Variants in STARD13 observed in about 807,000 individuals in gnomAD.
STARD13 encodes the protein StAR related lipid transfer domain containing 13, also known as stAR-related lipid transfer protein 13.
STARD13 carries 62 observed loss-of-function variants against 106.4 expected under a neutral mutation model. That is an observed-to-expected ratio of 0.58 (90% CI 0.48 to 0.72). STARD13 has a LOEUF of 0.72. STARD13 is among the 30% of genes least tolerant of loss of function. The probability of loss-of-function intolerance (pLI) is 0.00; values close to 1 mark genes in which losing one functional copy is unlikely to be tolerated. For synonymous variants in STARD13, 565 were observed against 553.0 expected (o/e 1.02, Z -0.31); for missense variants, 1,387 against 1,424.0 (o/e 0.97, Z 0.42).
chr13:33,508,583 T>C, the STARD13 span, among the ~76,000 whole-genome samples: 8 of 152,316 alleles, frequency 5.3e-5, no homozygotes, highest in Admixed American at 5.2e-4. Flanking sequence ...CAGTATTTGA[T>C]AGCTGGAAGT....
the STARD13 span, among the ~76,000 whole-genome samples, chr13:33,460,572 C>A: frequency 6.6e-6 from 1 of 151,022 alleles, no homozygotes; most frequent in Non-Finnish European, 1.5e-5. Context: ...GTACATATTT[C>A]TTAAATTTTA....
the STARD13 span, among the ~76,000 whole-genome samples, chr13:33,463,116 C>T: frequency 3.9e-5 from 6 of 152,198 alleles, no homozygotes; most frequent in Middle Eastern, 3.4e-3. Flanking sequence ...GGCAAGCCTC[C>T]GAATTGGTGC....
the STARD13 span, among the ~76,000 whole-genome samples, chr13:33,458,891 G>A: frequency 2.0e-5 from 3 of 149,416 alleles, no homozygotes; most frequent in Non-Finnish European, 4.4e-5. Context: ...TGCAATCTGG[G>A]CTTACTGCAA....
the STARD13 span, among the ~76,000 whole-genome samples, chr13:33,458,424 A>G: frequency 6.6e-6 from 1 of 152,072 alleles, no homozygotes; most frequent in Non-Finnish European, 1.5e-5. Context: ...ATAAAAGCAT[A>G]ACAAACTCAA....
At chr13:33,107,287 T>C (rs1432636433) in intron 12 of STARD13, among the ~76,000 whole-genome samples, 2 of 152,128 alleles carry the variant, frequency 1.3e-5, no homozygotes, top group Non-Finnish European at 2.9e-5. Context: ...TCAGCAGACA[T>C]CAATTAAGCA....
the STARD13 span, among the ~76,000 whole-genome samples, chr13:33,455,366 A>T: frequency 6.6e-6 from 1 of 152,230 alleles, no homozygotes; most frequent in African/African-American, 2.4e-5. Flanking sequence ...TAGTTCTCTA[A>T]CACAAAAGGA....
chr13:33,618,016 A>G, the STARD13 span, among the ~76,000 whole-genome samples: 2 of 152,364 alleles, frequency 1.3e-5, no homozygotes, highest in Admixed American at 6.5e-5. Context: ...TGCAAAAAGC[A>G]AAGATGCAAC....
At chr13:33,515,637 T>C in the STARD13 span, among the ~76,000 whole-genome samples, 2 of 152,186 alleles carry the variant, frequency 1.3e-5, no homozygotes, top group African/African-American at 4.8e-5. Flanking sequence ...GTGATGGTTC[T>C]ACTGGGAAAT....
intron 8 of STARD13, chr13:33,113,142 A>G (rs1874864088): frequency 1.9e-6 from 1 of 539,200 alleles, no homozygotes; most frequent in African/African-American, 1.9e-5. Flanking sequence ...CAACCCTTGC[A>G]ATTGAACTTT....
the STARD13 span, among the ~76,000 whole-genome samples, chr13:33,626,935 A>T: frequency 6.6e-6 from 1 of 152,238 alleles, no homozygotes; most frequent in Non-Finnish European, 1.5e-5. Context: ...ATAAAATAAA[A>T]ATTCTGGCCA....
At chr13:33,239,138 T>C (rs2138239797) in intron 1 of STARD13, among the ~76,000 whole-genome samples, 1 of 152,340 alleles carries the variant, frequency 6.6e-6, no homozygotes, top group East Asian at 1.9e-4. Flanking sequence ...TTTGTCTTTT[T>C]GTGATTGGCT....
rs184305183 is a variant in STARD13 at position 33,103,890 on chromosome 13, A to G, written c.*1703T>C. 1 of 152,344 alleles carries G rather than the reference A, an allele frequency of 6.6e-6. No individual in the cohort carries two copies. Among genetic ancestry groups the G allele is most frequent in the African/African-American group, 2.4e-5 (1 of 41,582 alleles). 9.4% of individuals were successfully genotyped at this position (152,344 alleles called of 1,614,324 possible). A position where few individuals can be genotyped will look rare whatever the true frequency, so the allele number is the denominator to read the frequency against. On this transcript the variant is annotated 3_prime_UTR_variant, in exon 14 of 14. Coordinates refer to ENST00000336934, the MANE Select transcript of STARD13 (RefSeq NM_178006.4). ...TTTTGCTCACAAAGCATTGCCCAAA[A>G]GGTAAATTATGGATTTACTGCTTCC...
At chr13:33,391,492 C>T in the STARD13 span, among the ~76,000 whole-genome samples, 1 of 152,152 alleles carries the variant, frequency 6.6e-6, no homozygotes, top group Admixed American at 6.5e-5. Flanking sequence ...ATATACAAGA[C>T]AATCACACCA....
chr13:33,289,143 C>G (rs1430121810), upstream of STARD13, among the ~76,000 whole-genome samples: 1 of 152,150 alleles, frequency 6.6e-6, no homozygotes, highest in African/African-American at 2.4e-5. Flanking sequence ...AAGCATCTTC[C>G]AGGACTGACA....
the STARD13 span, among the ~76,000 whole-genome samples, chr13:33,395,827 T>G: frequency 9.2e-5 from 14 of 152,290 alleles, no homozygotes; most frequent in African/African-American, 2.9e-4. Context: ...ATACTCCTTT[T>G]AAACATTTAT....
the STARD13 span, among the ~76,000 whole-genome samples, chr13:33,520,440 A>T: frequency 1.3e-5 from 2 of 152,098 alleles, no homozygotes; most frequent in East Asian, 3.9e-4. Context: ...AGACATAAGG[A>T]CCTAAATAGC....
chr13:33,634,509 G>A, the STARD13 span, among the ~76,000 whole-genome samples: 1 of 152,096 alleles, frequency 6.6e-6, no homozygotes, highest in Non-Finnish European at 1.5e-5. Flanking sequence ...TTAGTCCCAA[G>A]CTATTTTTTT....
At chr13:33,253,846 G>T (rs192314882) in intron 1 of STARD13, among the ~76,000 whole-genome samples, 10 of 152,306 alleles carry the variant, frequency 6.6e-5, no homozygotes, top group Admixed American at 2.6e-4. Flanking sequence ...AAAAATAAAG[G>T]CCTCTCTTGA....
chr13:33,459,617 AAGGTGAAATCGTATGAT>A, the STARD13 span, among the ~76,000 whole-genome samples: 1 of 152,106 alleles, frequency 6.6e-6, no homozygotes, highest in East Asian at 1.9e-4. Flanking sequence ...TGGAAGTGGG[AAGGTGAAATCGTATGAT>A]AGGTGTGTTT....
Sources: gnomAD v4.1 joint callset for allele counts (sites outside exome capture counted in the v4.1 genomes callset) on GRCh38, gnomAD v4.1.1 for gene constraint, MANE v1.5 for transcripts, NCBI Gene and HGNC (gene_info 2026-07-23, HGNC 2026-07-21) for gene names.